The following EFHC1 variants were observed in gnomAD, a reference collection of about 807,000 sequenced individuals.
EFHC1 encodes EF-hand domain-containing protein 1.
A neutral mutation model predicts 69.9 loss-of-function variants in EFHC1; 53 were observed. That is an observed-to-expected ratio of 0.76 (90% CI 0.61 to 0.95). The LOEUF is 0.95. Ranked by LOEUF, EFHC1 falls within the 40% of genes least tolerant of loss-of-function variation. EFHC1 has a pLI of 0.00. For missense variants in EFHC1, 739 were observed against 798.7 expected (o/e 0.93, Z 0.90); for synonymous variants, 256 against 278.4 (o/e 0.92, Z 0.80).
At chr6:52,433,698 A>T (rs1400947778) in intron 2 of EFHC1, among the ~76,000 whole-genome samples, 1 of 152,160 alleles carries the variant, frequency 6.6e-6, no homozygotes, top group African/African-American at 2.4e-5. Flanking sequence ...TAGCTGTGGT[A>T]GTATGGGGGG....
chr6:52,484,623 A>G (rs1181880912), intron 9 of EFHC1: 1 of 152,226 alleles, frequency 6.6e-6, no homozygotes, highest in East Asian at 1.9e-4. Context: ...AAAAAGACAA[A>G]TAATGACTAA....
chr6:52,421,056 T>A lies in EFHC1; in HGVS notation c.63+583T>A, dbSNP rs1764180441. The A allele has an allele frequency of 6.0e-6, 6 of 993,830 alleles. No homozygotes were observed. The South Asian group carries it at 2.2e-4, about 36-fold the overall frequency. 61.6% of individuals were successfully genotyped at this position (993,830 alleles called of 1,614,324 possible). A position where few individuals can be genotyped will look rare whatever the true frequency, so the allele number is the denominator to read the frequency against. ...TGTATGTATATCGATTCCGCTCCTC[T>A]TCTTTCCGCCAGGTCTTTTTCCTTT... On this transcript the variant is annotated intron_variant, in intron 1 of 10. Transcript: ENST00000371068.
chr6:52,425,307 G>A (rs895297570), intron 2 of EFHC1, among the ~76,000 whole-genome samples: 1 of 152,170 alleles, frequency 6.6e-6, no homozygotes, highest in East Asian at 1.9e-4. Context: ...TGCAAAATCA[G>A]CAGAGAAGGG....
chr6:52,436,753 T>C (rs73445943), intron 2 of EFHC1, among the ~76,000 whole-genome samples: 4,377 of 152,256 alleles, frequency 0.029, 204 homozygotes, highest in African/African-American at 0.097. Flanking sequence ...ATGATTCTCC[T>C]ACCATAGCCT....
chr6:52,479,387 G>A (rs879062452), intron 8 of EFHC1, 137 bp downstream of exon 8: 3 of 1,068,962 alleles, frequency 2.8e-6, no homozygotes, highest in Non-Finnish European at 4.2e-6. Flanking sequence ...TGTATATATG[G>A]TATAATGTGT....
chr6:52,431,286 G>C (rs917646156), intron 2 of EFHC1, among the ~76,000 whole-genome samples: 1 of 151,914 alleles, frequency 6.6e-6, no homozygotes, highest in Non-Finnish European at 1.5e-5. Context: ...CTTGAGGTGT[G>C]GCCTTAGATT....
At chr6:52,469,302 G>A (rs746126262) in intron 6 of EFHC1, 31 bp from the exon 7 acceptor site, 46 of 1,613,204 alleles carry the variant, frequency 2.9e-5, no homozygotes, top group Non-Finnish European at 3.8e-5. Flanking sequence ...AGTAGTATCT[G>A]CCTTACTTCT....
chr6:52,465,246 A>C, intron 6 of EFHC1, 131 bp downstream of exon 6: 1 of 794,532 alleles, frequency 1.3e-6, no homozygotes, highest in Non-Finnish European at 2.0e-6. Context: ...AGTTCACAAA[A>C]GAAGAAATAC....
rs1252309910 is a variant in EFHC1 at position 52,479,651 on chromosome 6, C to T, written c.1504C>T (p.Arg502Trp). 7 of 1,614,144 alleles carry T rather than the reference C, an allele frequency of 4.3e-6. No homozygotes were observed. Among genetic ancestry groups the T allele is most frequent in the Non-Finnish European group, 5.9e-6 (7 of 1,180,026 alleles). ...IGAVIEVFGHRFIILDTDEYV... is the reference protein window; with the variant it reads ...IGAVIEVFGHWFIILDTDEYV... ...TACCTTCTCTCCAGTGTTTGGTCAC[C>T]GGTTCATCATCCTTGATACAGACGA... is the stretch of plus-strand genomic sequence containing the variant. The change falls in exon 9 of 11, where the codon CGG (arginine) becomes TGG (tryptophan). Residue 502 changes from arginine to tryptophan, a missense_variant. Transcript: ENST00000371068.
intron 3 of EFHC1, among the ~76,000 whole-genome samples, chr6:52,452,056 T>TA (rs1172644213): frequency 2.0e-5 from 3 of 152,236 alleles, no homozygotes; most frequent in African/African-American, 7.2e-5. Flanking sequence ...CTTACTCTGT[T>TA]ACAGGCACCT....
chr6:52,465,038 T>C lies in EFHC1; in HGVS notation c.1060T>C (p.Tyr354His). ...IYDCDPFTRR[Y>H]YKEKFGITDL... ...TGATTGTGATCCATTTACTCGACGG[T>C]ATTACAAAGAGAAGTTTGGAATCAC... The change falls in exon 6 of 11, where the codon TAT (tyrosine) becomes CAT (histidine). Residue 354 changes from tyrosine to histidine, a missense_variant. Transcript: ENST00000371068. 6.2e-7 allele frequency: 1 copy of C among 1,614,144 alleles called. No individual in the cohort carries two copies. Among genetic ancestry groups the C allele is most frequent in the Non-Finnish European group, 8.5e-7 (1 of 1,180,038 alleles).
intron 4 of EFHC1, chr6:52,453,827 A>T (rs1397322426): frequency 7.6e-7 from 1 of 1,314,588 alleles, no homozygotes; most frequent in Non-Finnish European, 9.9e-7. Flanking sequence ...TCACTGACTA[A>T]TATTTTGGAT....
In EFHC1 at chr6:52,495,695, C is replaced by T. The variant is rs957609527; in HGVS notation, c.*3354C>T. 3 of 424,038 alleles carry T rather than the reference C, an allele frequency of 7.1e-6. No individual in the cohort carries two copies. Among genetic ancestry groups the T allele is most frequent in the South Asian group, 1.7e-5 (1 of 58,114 alleles). 26.3% of individuals were successfully genotyped at this position (424,038 alleles called of 1,614,324 possible). ...CCTCAAACTCCTGGGCTCATGCAAT[C>T]CTCCTGCCTCAGCCTTCTGAGTAGC... On this transcript the variant is annotated 3_prime_UTR_variant, in exon 11 of 11. Coordinates refer to ENST00000371068, the MANE Select transcript of EFHC1 (RefSeq NM_018100.4).
chr6:52,455,152 A>G (rs1765014419), intron 5 of EFHC1, among the ~76,000 whole-genome samples: 1 of 152,094 alleles, frequency 6.6e-6, no homozygotes. Flanking sequence ...ATGGCAGCAA[A>G]TACCTGCTGT....
chr6:52,431,902 G>T (rs1764423692), intron 2 of EFHC1, among the ~76,000 whole-genome samples: 1 of 152,084 alleles, frequency 6.6e-6, no homozygotes, highest in Non-Finnish European at 1.5e-5. Flanking sequence ...TATATATTTA[G>T]GATTATGACA....
In EFHC1 at chr6:52,493,403, A is replaced by G; in HGVS notation, c.*1062A>G. 1 of 245,764 alleles carries G rather than the reference A, an allele frequency of 4.1e-6. No individual in the cohort carries two copies. Among genetic ancestry groups the G allele is most frequent in the South Asian group, 3.3e-5 (1 of 30,098 alleles). The allele number at this position is 245,764 out of a possible 1,614,324, so 15.2% of individuals were successfully genotyped here. A position where few individuals can be genotyped will look rare whatever the true frequency, so the allele number is the denominator to read the frequency against. On this transcript the variant is annotated 3_prime_UTR_variant, in exon 11 of 11. Transcript: ENST00000371068. ...ATATATATTTTATATGTACACATTC[A>G]TACACACACACGCTTATATGTATAC...
At chr6:52,460,516 G>A (rs1359651875) in intron 5 of EFHC1, among the ~76,000 whole-genome samples, 1 of 152,106 alleles carries the variant, frequency 6.6e-6, no homozygotes, top group Non-Finnish European at 1.5e-5. Flanking sequence ...GCAGCTTATT[G>A]TAGTCAATTA....
intron 2 of EFHC1, among the ~76,000 whole-genome samples, chr6:52,425,163 C>T (rs3804508): frequency 0.19 from 28,180 of 152,116 alleles, 3,072 homozygotes; most frequent in Admixed American, 0.33. Context: ...CCACTTAACT[C>T]ATTTATAGGG....
chr6:52,438,718 G>A, intron 3 of EFHC1, 127 bp downstream of exon 3: 1 of 1,035,084 alleles, frequency 9.7e-7, no homozygotes, highest in Non-Finnish European at 1.5e-6. Flanking sequence ...ATTATGAATG[G>A]CTAGGTATTT....
Sources: gnomAD v4.1 joint callset for allele counts (sites outside exome capture counted in the v4.1 genomes callset) on GRCh38, gnomAD v4.1.1 for gene constraint, MANE v1.5 for transcripts, NCBI Gene and HGNC (gene_info 2026-07-23, HGNC 2026-07-21) for gene names.